MBNL2: variants seen among roughly 807,000 people sequenced by gnomAD.
MBNL2 encodes muscleblind like splicing regulator 2.
A neutral mutation model predicts 41.9 loss-of-function variants in MBNL2; 17 were observed. The ratio of observed to expected loss-of-function variants is 0.41; its 90% CI spans 0.28 to 0.61. MBNL2 has a LOEUF of 0.61. Ranked by LOEUF, MBNL2 falls within the 20% of genes least tolerant of loss-of-function variation. MBNL2 has a pLI of 0.35. For missense variants in MBNL2, 336 were observed against 505.6 expected (o/e 0.66, Z 3.22); for synonymous variants, 195 against 182.9 (o/e 1.07, Z -0.53).
At chr13:97,148,152 A>G in the MBNL2 span, among the ~76,000 whole-genome samples, 1 of 152,198 alleles carries the variant, frequency 6.6e-6, no homozygotes, top group Non-Finnish European at 1.5e-5. Flanking sequence ...TGACATAGAC[A>G]AGTGTTTATT....
chr13:97,225,257 A>G (rs2041425681), intron 1 of MBNL2, among the ~76,000 whole-genome samples: 2 of 152,198 alleles, frequency 1.3e-5, no homozygotes, highest in Non-Finnish European at 2.9e-5. Flanking sequence ...GCTTAAGAGA[A>G]TTCCTTATAG....
At chr13:97,288,852 A>G (rs2055209153) in intron 2 of MBNL2, among the ~76,000 whole-genome samples, 3 of 152,208 alleles carry the variant, frequency 2.0e-5, no homozygotes, top group African/African-American at 7.2e-5. Context: ...AGATATTGAC[A>G]TATTTATTTG....
the MBNL2 span, among the ~76,000 whole-genome samples, chr13:97,150,195 CAT>C: frequency 3.3e-5 from 5 of 152,186 alleles, no homozygotes; most frequent in Admixed American, 2.0e-4. Context: ...ACTTGCCCAC[CAT>C]ATGTTTACGT....
chr13:97,377,011 G>C (rs896082252), intron 8 of MBNL2, among the ~76,000 whole-genome samples: 2 of 152,096 alleles, frequency 1.3e-5, no homozygotes, highest in Admixed American at 1.3e-4. Flanking sequence ...TTAACGGATC[G>C]TGTAAGGGGC....
chr13:97,147,392 A>C, the MBNL2 span, among the ~76,000 whole-genome samples: 1 of 152,046 alleles, frequency 6.6e-6, no homozygotes, highest in African/African-American at 2.4e-5. Flanking sequence ...ATTCCTCCCC[A>C]CCAAGCACTG....
chr13:97,191,638 T>C, the MBNL2 span, among the ~76,000 whole-genome samples: 14 of 152,194 alleles, frequency 9.2e-5, no homozygotes, highest in Non-Finnish European at 1.9e-4. Flanking sequence ...AACTCTGCTG[T>C]GTTTTGGATT....
chr13:97,334,228 G>A lies in MBNL2; in HGVS notation c.175-48G>A. 2.7e-6 allele frequency: 4 copies of A among 1,497,620 alleles called. No individual in the cohort carries two copies. The highest frequency in any genetic ancestry group is 3.6e-6 in the Non-Finnish European group (4 of 1,098,476). The allele number at this position is 1,497,620 out of a possible 1,614,324, so 92.8% of individuals were successfully genotyped here. ...TGATTGTTCAGTGGTTGACTTTGGA[G>A]TTGCAAGCTACTTAAAATAGTCCTA... On this transcript the variant is annotated intron_variant, in intron 2 of 8. Coordinates refer to ENST00000679496, the MANE Select transcript of MBNL2 (RefSeq NM_001382683.1). The surrounding 1 kb of genome is among the most constrained non-coding windows in gnomAD (Gnocchi z 5.3).
At chr13:97,314,477 G>A (rs1374637347) in intron 2 of MBNL2, among the ~76,000 whole-genome samples, 1 of 152,118 alleles carries the variant, frequency 6.6e-6, no homozygotes, top group Non-Finnish European at 1.5e-5. Flanking sequence ...GCTCTATGAA[G>A]GCAGGGACTT....
intron 8 of MBNL2, among the ~76,000 whole-genome samples, chr13:97,372,204 T>G (rs2064450751): frequency 6.6e-6 from 1 of 152,202 alleles, no homozygotes. Flanking sequence ...AAGAAGTGCC[T>G]TAGAAGCTAA....
At chr13:97,212,176 A>G in the MBNL2 span, among the ~76,000 whole-genome samples, 4 of 152,168 alleles carry the variant, frequency 2.6e-5, no homozygotes. Context: ...ACTCAGGCAA[A>G]CTAGAGGCCA....
intron 8 of MBNL2, among the ~76,000 whole-genome samples, chr13:97,365,943 G>A (rs1389302669): frequency 6.6e-6 from 1 of 151,984 alleles, no homozygotes; most frequent in Non-Finnish European, 1.5e-5. Flanking sequence ...CACAGCAGTT[G>A]CATTTCATAT....
intron 1 of MBNL2, among the ~76,000 whole-genome samples, chr13:97,274,888 T>C (rs1192148614): frequency 1.3e-5 from 2 of 152,192 alleles, no homozygotes; most frequent in African/African-American, 4.8e-5. Context: ...TATGACTCAG[T>C]TAAAAACTAA....
At chr13:97,336,889 T>A (rs2060932209) in intron 3 of MBNL2, among the ~76,000 whole-genome samples, 1 of 152,212 alleles carries the variant, frequency 6.6e-6, no homozygotes, top group South Asian at 2.1e-4. Flanking sequence ...TCTCATAAAC[T>A]AAACTTCTTT....
the MBNL2 span, among the ~76,000 whole-genome samples, chr13:97,183,038 T>C: frequency 4.9e-4 from 74 of 152,332 alleles, no homozygotes; most frequent in Non-Finnish European, 9.4e-4. Flanking sequence ...CAGTTTAATA[T>C]GTAATTGCTA....
chr13:97,217,058 C>G (rs896450905), upstream of MBNL2, among the ~76,000 whole-genome samples: 1 of 144,324 alleles, frequency 6.9e-6, no homozygotes, highest in African/African-American at 2.6e-5. Flanking sequence ...GTAATATATA[C>G]ATATATACAC....
chr13:97,161,700 C>G, the MBNL2 span, among the ~76,000 whole-genome samples: 1 of 152,124 alleles, frequency 6.6e-6, no homozygotes, highest in African/African-American at 2.4e-5. Flanking sequence ...TATCATCACA[C>G]TGATAGAATA....
chr13:97,156,404 A>T, the MBNL2 span, among the ~76,000 whole-genome samples: 1 of 146,196 alleles, frequency 6.8e-6, no homozygotes, highest in South Asian at 2.3e-4. Flanking sequence ...GTTTAATTAG[A>T]TCCCATTTGT....
chr13:97,387,508 G>A (rs1186515484), intron 8 of MBNL2, among the ~76,000 whole-genome samples: 5 of 152,112 alleles, frequency 3.3e-5, no homozygotes, highest in African/African-American at 1.2e-4. Flanking sequence ...TTCCACCCCA[G>A]GGCCTCGCCT....
chr13:97,276,838 G>A (rs766363933), intron 2 of MBNL2, among the ~76,000 whole-genome samples: 2 of 149,606 alleles, frequency 1.3e-5, no homozygotes, highest in Non-Finnish European at 3.0e-5. Flanking sequence ...TCCTTTGACC[G>A]AGTACTTCCT....
Sources: gnomAD v4.1 joint callset for allele counts (sites outside exome capture counted in the v4.1 genomes callset) on GRCh38, gnomAD v4.1.1 for gene constraint, Gnocchi (gnomAD v3.1) non-coding constraint, MANE v1.5 for transcripts, NCBI Gene and HGNC (gene_info 2026-07-23, HGNC 2026-07-21) for gene names.